Variants in DNAH5 observed in about 807,000 individuals in gnomAD.
DNAH5 encodes the protein axonemal beta dynein heavy chain 5.
DNAH5 carries 372 observed loss-of-function variants against 518.2 expected under a neutral mutation model. That is an observed-to-expected ratio of 0.72 (90% CI 0.66 to 0.78). The LOEUF is 0.78. Ranked by LOEUF, DNAH5 falls within the 30% of genes least tolerant of loss-of-function variation. DNAH5 has a pLI of 0.00. For synonymous variants in DNAH5, 2,039 were observed against 2,025.9 expected, an observed-to-expected ratio of 1.01 and a Z score of -0.17; for missense variants, 5,523 against 5,687.0, an observed-to-expected ratio of 0.97 and a Z score of 0.93.
intron 22 of DNAH5, among the ~76,000 whole-genome samples, chr5:13,873,861 T>C (rs2151924434): frequency 6.6e-6 from 1 of 152,244 alleles, no homozygotes; most frequent in East Asian, 1.9e-4. Flanking sequence ...CTGCCTTATA[T>C]TATGATTTCA....
chr5:13,887,590 G>T (rs1431419443), intron 17 of DNAH5, among the ~76,000 whole-genome samples: 3 of 152,008 alleles, frequency 2.0e-5, no homozygotes, highest in Non-Finnish European at 4.4e-5. Context: ...ATCAGCATGG[G>T]GCTCCACCAT....
chr5:13,955,544 T>C (rs1284557627), intron 1 of DNAH5, among the ~76,000 whole-genome samples: 1 of 152,134 alleles, frequency 6.6e-6, no homozygotes, highest in Non-Finnish European at 1.5e-5. Context: ...CACTGAGTGA[T>C]GTAGAGCAGT....
At chr5:13,909,541 A>G (rs1013332359) in intron 12 of DNAH5, among the ~76,000 whole-genome samples, 2 of 152,022 alleles carry the variant, frequency 1.3e-5, no homozygotes, top group African/African-American at 4.8e-5. Flanking sequence ...GTATCAGATT[A>G]TCTTTCCCTA....
chr5:13,717,179 T>C (rs187160096), intron 73 of DNAH5, 136 bp downstream of exon 73: 28 of 798,808 alleles, frequency 3.5e-5, no homozygotes, highest in East Asian at 3.0e-4. Flanking sequence ...GTGACCCAAA[T>C]TGCTATGACT....
rs1742983219 is a variant in DNAH5 at position 13,707,708 on chromosome 5, G to C, written c.13338+415C>G. Among the ~76,000 whole-genome samples the C allele has an allele frequency of 6.6e-6, 1 of 151,618 alleles. No homozygotes were observed. Among genetic ancestry groups the C allele is most frequent in the Non-Finnish European group, 1.5e-5 (1 of 67,900 alleles). ...TTTATTTTTTTTTTCCTTTTGGTGT[G>C]ACTTTTGATGTTAGGGTGAGGCATG... On this transcript the variant is annotated intron_variant, in intron 76 of 78. Transcript: ENST00000265104. The surrounding 1 kb of genome is among the most constrained non-coding windows in gnomAD (Gnocchi z 4.0).
At chr5:13,963,021 C>G (rs1468277877) in intron 1 of DNAH5, among the ~76,000 whole-genome samples, 1 of 152,050 alleles carries the variant, frequency 6.6e-6, no homozygotes, top group Admixed American at 6.5e-5. Context: ...CCAAGTGCTC[C>G]GCCATTTTGA....
At chr5:13,849,274 A>G (rs1041669528) in intron 31 of DNAH5, among the ~76,000 whole-genome samples, 4 of 152,162 alleles carry the variant, frequency 2.6e-5, no homozygotes, top group Non-Finnish European at 4.4e-5. Context: ...ATGCTGCCCA[A>G]TACCTTCCAC....
chr5:13,721,296 T>C (rs1203048810), intron 70 of DNAH5, 51 bp from the exon 71 acceptor site: 2 of 1,611,512 alleles, frequency 1.2e-6, no homozygotes, highest in East Asian at 2.2e-5. Context: ...CTCTTTCATG[T>C]AGATAATGTA....
intron 21 of DNAH5, among the ~76,000 whole-genome samples, chr5:13,880,394 T>A (rs144991484): frequency 1.3e-5 from 2 of 152,172 alleles, no homozygotes; most frequent in Non-Finnish European, 2.9e-5. Flanking sequence ...TATTGGCAAA[T>A]CCAAAACACT....
chr5:13,748,256 G>A (rs1749690135), intron 65 of DNAH5, among the ~76,000 whole-genome samples: 3 of 152,222 alleles, frequency 2.0e-5, no homozygotes, highest in Non-Finnish European at 4.4e-5. Flanking sequence ...TTTGGTACCA[G>A]TACCATGCTG....
intron 1 of DNAH5, among the ~76,000 whole-genome samples, chr5:13,966,679 T>C (rs1781550553): frequency 6.6e-6 from 1 of 152,216 alleles, no homozygotes; most frequent in Non-Finnish European, 1.5e-5. Context: ...TGTCTATTCA[T>C]GTCTTTAGCC....
intron 35 of DNAH5, among the ~76,000 whole-genome samples, chr5:13,837,473 A>G (rs1231288352): frequency 6.7e-6 from 1 of 149,406 alleles, no homozygotes; most frequent in East Asian, 1.9e-4. Flanking sequence ...TTGGCTTTGG[A>G]CAGCGAACCT....
chr5:13,786,072 A>C, intron 52 of DNAH5, 107 bp downstream of exon 52: 2 of 1,158,074 alleles, frequency 1.7e-6, no homozygotes, highest in Non-Finnish European at 2.5e-6. Flanking sequence ...GTCTAATTTT[A>C]AACTGAAGAT....
Position 13,982,877 on chromosome 5 carries a change from C to T in DNAH5, c.12+28771G>A, listed in dbSNP as rs548961690. Among the ~76,000 whole-genome samples the T allele has an allele frequency of 7.9e-5, 12 of 152,380 alleles. No homozygotes were observed. The South Asian group carries it at 2.5e-3, about 32-fold the overall frequency. ...GTGGTGAGCTCTGCCTTCACAGCCTCTATTGCTCCCCTTCTGCTTTCTCTT... is the reference window on the plus strand; with the variant it reads ...GTGGTGAGCTCTGCCTTCACAGCCTTTATTGCTCCCCTTCTGCTTTCTCTT... On this transcript the variant is annotated intron_variant, in intron 1 of 78. Transcript: ENST00000681290.
Position 13,717,347 on chromosome 5 carries a change from G to A in DNAH5, c.12673C>T (p.Gln4225Ter). 2 of 1,613,968 alleles carry A rather than the reference G, an allele frequency of 1.2e-6. No homozygotes were observed. The highest frequency in any genetic ancestry group is 1.7e-6 in the Non-Finnish European group (2 of 1,179,988). Residue 4225 changes from glutamine to a stop codon, truncating the protein, a stop_gained, in exon 73 of 79, where the codon CAA (glutamine) becomes TAA (stop). Transcript: ENST00000265104. LOFTEE classifies it high-confidence loss of function. ...ADFNATVQFI[Q>*]NHLDDMDVKK... ...ACATCCATGTCATCCAAGTGGTTTT[G>A]GATGAACTGCACAGTGGCATTAAAG...
chr5:13,977,085 C>T (rs543111664), intron 1 of DNAH5, among the ~76,000 whole-genome samples: 8 of 152,260 alleles, frequency 5.3e-5, no homozygotes, highest in African/African-American at 9.6e-5. Context: ...TAAGGAGGGA[C>T]GCAGAGGTGC....
At chr5:13,991,345 G>A (rs1263864318) in intron 1 of DNAH5, among the ~76,000 whole-genome samples, 1 of 152,152 alleles carries the variant, frequency 6.6e-6, no homozygotes, top group East Asian at 1.9e-4. Flanking sequence ...GGACTAAGAT[G>A]GCTGCCCTGC....
chr5:13,713,643 G>A (rs980286282), intron 75 of DNAH5, among the ~76,000 whole-genome samples: 4 of 149,814 alleles, frequency 2.7e-5, no homozygotes, highest in African/African-American at 7.4e-5. Context: ...AAGCTATGAG[G>A]ACGCAAAGGC....
In DNAH5 at chr5:13,770,933, T is replaced by C. The variant is rs750464500; in HGVS notation, c.9421A>G (p.Ile3141Val). ...ATGCATTGGACCACCTCCTTCTTGA[T>C]TTCCAAACTGCAGTCAATATCATAG... Reference protein sequence around the residue: ...TSYDIDCSLEIKKEVVQCMGS... With the variant: ...TSYDIDCSLEVKKEVVQCMGS... The change falls in exon 56 of 79, where the codon ATC becomes GTC. Residue 3141 changes from isoleucine to valine, a missense_variant. Ile to Val is a conservative substitution (Grantham distance 29). This residue lies in a region of DNAH5 where 5,121 missense variants were observed against 5,223.3 expected (regional missense o/e 0.98). Coordinates refer to ENST00000265104, the MANE Select transcript of DNAH5 (RefSeq NM_001369.3). 5.6e-6 allele frequency: 9 copies of C among 1,614,100 alleles called. No homozygotes were observed. Among genetic ancestry groups the C allele is most frequent in the South Asian group, 2.2e-5 (2 of 91,084 alleles).
Sources: gnomAD v4.1 joint callset for allele counts (sites outside exome capture counted in the v4.1 genomes callset) on GRCh38, gnomAD v4.1.1 for gene constraint, gnomAD v4.1.1 regional missense constraint, Gnocchi (gnomAD v3.1) non-coding constraint, MANE v1.5 for transcripts, NCBI Gene and HGNC (gene_info 2026-07-23, HGNC 2026-07-21) for gene names.